The following NXPH1 variants were observed in gnomAD, a reference collection of about 807,000 sequenced individuals.
NXPH1 encodes neurexophilin 1.
NXPH1 carries 5 observed loss-of-function variants against 23.7 expected under a neutral mutation model. The ratio of observed to expected loss-of-function variants is 0.21; its 90% CI spans 0.11 to 0.44. The LOEUF (loss-of-function observed/expected upper bound fraction) is 0.44, where lower values mean the gene tolerates loss of function less well. Ranked by LOEUF, NXPH1 falls within the 20% of genes least tolerant of loss-of-function variation. The pLI, the probability that NXPH1 is intolerant of heterozygous loss-of-function variation, is 0.99. For synonymous variants in NXPH1, 144 were observed against 122.2 expected, an observed-to-expected ratio of 1.18 and a Z score of -1.18; for missense variants, 324 against 321.6, an observed-to-expected ratio of 1.01 and a Z score of -0.06.
At chr7:8,658,346 T>TA (rs1820614579) in intron 2 of NXPH1, among the ~76,000 whole-genome samples, 2 of 152,356 alleles carry the variant, frequency 1.3e-5, no homozygotes, top group African/African-American at 4.8e-5. Context: ...AGTGTTTGAT[T>TA]AGTGAACACA....
intron 2 of NXPH1, among the ~76,000 whole-genome samples, chr7:8,473,761 C>A (rs192807820): frequency 6.6e-6 from 1 of 150,836 alleles, no homozygotes; most frequent in African/African-American, 2.4e-5. Context: ...AAAGAGAAGG[C>A]AAATTGCCAA....
At chr7:8,664,883 G>A (rs1199985993) in intron 2 of NXPH1, among the ~76,000 whole-genome samples, 1 of 151,314 alleles carries the variant, frequency 6.6e-6, no homozygotes, top group Non-Finnish European at 1.5e-5. Context: ...GATTTTTTTT[G>A]CTATTAAGTT....
intron 2 of NXPH1, among the ~76,000 whole-genome samples, chr7:8,567,624 G>A (rs1406962832): frequency 6.6e-6 from 1 of 151,890 alleles, no homozygotes; most frequent in Non-Finnish European, 1.5e-5. Context: ...GAAATATTTA[G>A]ACTTATGCCA....
intron 2 of NXPH1, among the ~76,000 whole-genome samples, chr7:8,649,862 T>C (rs1223032076): frequency 6.6e-6 from 1 of 152,352 alleles, no homozygotes; most frequent in Non-Finnish European, 1.5e-5. Context: ...ATCTACCATC[T>C]TGACAGAAAC....
chr7:8,586,663 C>T (rs1012825124), intron 2 of NXPH1, among the ~76,000 whole-genome samples: 5 of 149,832 alleles, frequency 3.3e-5, no homozygotes, highest in Non-Finnish European at 5.9e-5. Context: ...ACACACACAT[C>T]GAGTAGAAAC....
intron 2 of NXPH1, among the ~76,000 whole-genome samples, chr7:8,513,395 C>T (rs1395280695): frequency 6.6e-6 from 1 of 152,094 alleles, no homozygotes; most frequent in Admixed American, 6.5e-5. Context: ...ATTGACCTTA[C>T]GTGTTGTGAG....
At chr7:8,568,711 T>C (rs2128621747) in intron 2 of NXPH1, among the ~76,000 whole-genome samples, 1 of 151,936 alleles carries the variant, frequency 6.6e-6, no homozygotes, top group South Asian at 2.1e-4. Flanking sequence ...TGCCAAAATG[T>C]TCAGTGAAGA....
intron 2 of NXPH1, among the ~76,000 whole-genome samples, chr7:8,545,078 C>A (rs1265328161): frequency 6.6e-6 from 1 of 151,492 alleles, no homozygotes; most frequent in African/African-American, 2.4e-5. Context: ...AACAGATGAG[C>A]AACATGTTAT....
At chr7:8,585,901 G>C (rs1818969663) in intron 2 of NXPH1, among the ~76,000 whole-genome samples, 1 of 152,140 alleles carries the variant, frequency 6.6e-6, no homozygotes, top group Admixed American at 6.5e-5. Context: ...TTCTTGACCT[G>C]AATAGGTGGG....
At chr7:8,736,041 T>C (rs1474583132) in intron 2 of NXPH1, among the ~76,000 whole-genome samples, 1 of 151,928 alleles carries the variant, frequency 6.6e-6, no homozygotes, top group East Asian at 1.9e-4. Context: ...TTATTTGTCT[T>C]CCTAGCCATG....
At chr7:8,637,392 T>TA (rs1471168127) in intron 2 of NXPH1, among the ~76,000 whole-genome samples, 2 of 152,156 alleles carry the variant, frequency 1.3e-5, no homozygotes, top group East Asian at 1.9e-4. Flanking sequence ...CTGGCTAATT[T>TA]AAAAAAGTAT....
intron 2 of NXPH1, among the ~76,000 whole-genome samples, chr7:8,590,526 C>A (rs1284032916): frequency 6.6e-6 from 1 of 152,076 alleles, no homozygotes; most frequent in Non-Finnish European, 1.5e-5. Flanking sequence ...CAACACCTGC[C>A]TTACCGCAAG....
chr7:8,567,266 A>G (rs181657500), intron 2 of NXPH1, among the ~76,000 whole-genome samples: 242 of 152,092 alleles, frequency 1.6e-3, no homozygotes, highest in Middle Eastern at 3.4e-3. Context: ...TTTAAATAAC[A>G]GGTCCTTTCA....
At chr7:8,670,285 A>G (rs1215326112) in intron 2 of NXPH1, among the ~76,000 whole-genome samples, 1 of 152,100 alleles carries the variant, frequency 6.6e-6, no homozygotes, top group Non-Finnish European at 1.5e-5. Context: ...TCTCTGGAAA[A>G]TTTACTTTTC....
rs573492729 is a variant in NXPH1 at position 8,739,285 on chromosome 7, C to T, written c.55-11723C>T. Among the ~76,000 whole-genome samples the T allele has an allele frequency of 4.0e-5, 6 of 151,308 alleles. No individual in the cohort carries two copies. In the South Asian group the frequency reaches 1.0e-3, roughly 26 times the overall value. On this transcript the variant is annotated intron_variant, in intron 2 of 2. Transcript: ENST00000405863. ...TCAGGGCCCTGGTGGTATAGGCACC[C>T]GAGGGAATCTCCTGGTCTGTGGGTT...
At chr7:8,469,063 G>A (rs990219044) in intron 2 of NXPH1, among the ~76,000 whole-genome samples, 1 of 151,856 alleles carries the variant, frequency 6.6e-6, no homozygotes, top group African/African-American at 2.4e-5. Flanking sequence ...TACATAAAAA[G>A]TAGATTTAAG....
chr7:8,458,980 T>C (rs1173734837), intron 2 of NXPH1, among the ~76,000 whole-genome samples: 1 of 152,148 alleles, frequency 6.6e-6, no homozygotes, highest in Admixed American at 6.5e-5. Flanking sequence ...AATTTATAAA[T>C]TGATTATTGT....
intron 2 of NXPH1, among the ~76,000 whole-genome samples, chr7:8,598,379 C>G (rs953134694): frequency 1.3e-5 from 2 of 152,058 alleles, no homozygotes; most frequent in Non-Finnish European, 2.9e-5. Flanking sequence ...GCTTAGTATC[C>G]AATCTTCTCT....
chr7:8,678,725 T>C (rs1469184855), intron 2 of NXPH1, among the ~76,000 whole-genome samples: 1 of 151,986 alleles, frequency 6.6e-6, no homozygotes, highest in Non-Finnish European at 1.5e-5. Context: ...ATTTAGGCTA[T>C]TACCACTGCC....
Sources: allele counts gnomAD v4.1 joint callset (sites outside exome capture counted in the v4.1 genomes callset), GRCh38; gene constraint gnomAD v4.1.1; transcripts MANE v1.5; gene names NCBI Gene and HGNC (gene_info 2026-07-23, HGNC 2026-07-21).